The following RBM47 variants were observed in gnomAD, a reference collection of about 807,000 sequenced individuals.
The protein encoded by RBM47 is RNA binding motif protein 47.
RBM47 carries 21 observed loss-of-function variants against 47.1 expected under a neutral mutation model. The observed-to-expected ratio is 0.45, with a 90% CI of 0.32 to 0.64. The LOEUF (loss-of-function observed/expected upper bound fraction) is 0.64. RBM47 is among the 30% of genes least tolerant of loss of function. The pLI, the probability that RBM47 is intolerant of heterozygous loss-of-function variation, is 0.05. For missense variants in RBM47, 708 were observed against 870.9 expected, an observed-to-expected ratio of 0.81 and a Z score of 2.35; for synonymous variants, 375 against 361.7, an observed-to-expected ratio of 1.04 and a Z score of -0.42.
At chr4:40,613,388 T>C (rs1223651700) in intron 1 of RBM47, among the ~76,000 whole-genome samples, 2 of 152,142 alleles carry the variant, frequency 1.3e-5, no homozygotes, top group African/African-American at 4.8e-5. Flanking sequence ...GATATTCTAA[T>C]GACATTAGTA....
chr4:40,452,575 G>A (rs1715605160), intron 3 of RBM47, among the ~76,000 whole-genome samples: 1 of 152,168 alleles, frequency 6.6e-6, no homozygotes, highest in Admixed American at 6.5e-5. Context: ...GGAATTAAAA[G>A]CACGAGATAA....
In RBM47 at chr4:40,510,545, G is replaced by A. The variant is rs542477284; in HGVS notation, c.-155+33877C>T. On this transcript the variant is annotated intron_variant, in intron 2 of 6. Coordinates refer to ENST00000295971, the MANE Select transcript of RBM47 (RefSeq NM_001098634.2). ...AATGTGTATTTTCAGAGCAAAATTA[G>A]AGGACCTCCTTTAGGGGACCTGGGA... 3.9e-4 allele frequency among the ~76,000 whole-genome samples: 59 copies of A among 152,240 alleles called. 1 individual carries two copies. In the South Asian group the frequency reaches 0.012, roughly 32 times the overall value.
At chr4:40,489,942 C>T (rs926484483) in intron 2 of RBM47, among the ~76,000 whole-genome samples, 2 of 152,110 alleles carry the variant, frequency 1.3e-5, no homozygotes, top group African/African-American at 4.8e-5. Flanking sequence ...AGCAACATGA[C>T]CAAGTCTGAT....
intron 1 of RBM47, among the ~76,000 whole-genome samples, chr4:40,621,723 C>A (rs1013201663): frequency 6.6e-6 from 1 of 152,126 alleles, no homozygotes; most frequent in Non-Finnish European, 1.5e-5. Context: ...GTAGGGCATG[C>A]GATTCACAAA....
chr4:40,470,591 A>G (rs1451500711), intron 2 of RBM47, among the ~76,000 whole-genome samples: 1 of 152,142 alleles, frequency 6.6e-6, no homozygotes, highest in Non-Finnish European at 1.5e-5. Context: ...TGAAATTAAT[A>G]CATTTATTTT....
At chr4:40,512,272 A>G (rs887948001) in intron 2 of RBM47, among the ~76,000 whole-genome samples, 1 of 151,142 alleles carries the variant, frequency 6.6e-6, no homozygotes, top group Non-Finnish European at 1.5e-5. Flanking sequence ...AATACAAAAA[A>G]TTAGCCGGGC....
intron 1 of RBM47, among the ~76,000 whole-genome samples, chr4:40,612,743 T>A (rs1289975502): frequency 6.6e-6 from 1 of 152,206 alleles, no homozygotes; most frequent in African/African-American, 2.4e-5. Context: ...TGAAGGTATC[T>A]TATATTCAGC....
chr4:40,511,256 C>G (rs1724889178), intron 2 of RBM47, among the ~76,000 whole-genome samples: 1 of 152,206 alleles, frequency 6.6e-6, no homozygotes, highest in Admixed American at 6.5e-5. Flanking sequence ...CAGCTCTGTT[C>G]AGAAAAGACA....
At chr4:40,540,991 G>C (rs897999505) in intron 2 of RBM47, among the ~76,000 whole-genome samples, 1 of 151,766 alleles carries the variant, frequency 6.6e-6, no homozygotes, top group Non-Finnish European at 1.5e-5. Context: ...AAATGACCTG[G>C]ACTTTTTTTG....
Position 40,461,842 on chromosome 4 carries a change from G to A in RBM47, c.-32+4735C>T, listed in dbSNP as rs2154228414. On this transcript the variant is annotated intron_variant, in intron 3 of 6. Transcript: ENST00000295971. ...CCCAACTACTCGAGAGGCTGAGGTA[G>A]GAGAATCGCTTGAACCTGGGAGGCA... Among the ~76,000 whole-genome samples, 3 of 151,814 alleles carry A rather than the reference G, an allele frequency of 2.0e-5. 1 individual carries two copies. The highest frequency in any genetic ancestry group is 2.0e-4 in the Admixed American group (3 of 15,232).
intron 2 of RBM47, among the ~76,000 whole-genome samples, chr4:40,490,692 A>G (rs1363403954): frequency 6.6e-6 from 1 of 152,016 alleles, no homozygotes; most frequent in East Asian, 1.9e-4. Flanking sequence ...CGGAGGTTGC[A>G]GTGAGGAGAG....
In RBM47 at chr4:40,437,088, A is replaced by AT. The variant is rs1305076952; in HGVS notation, c.1124-442_1124-441insA. On this transcript the variant is annotated intron_variant, in intron 4 of 6. Coordinates refer to ENST00000295971, the MANE Select transcript of RBM47 (RefSeq NM_001098634.2). ...GACCCTGTCTCAAAAAAAAAAAAAAAAAATATATATATATATATATATAAA... is the reference window on the plus strand; with the variant it reads ...GACCCTGTCTCAAAAAAAAAAAAAAATAAATATATATATATATATATATAAA... 3.2e-3 allele frequency among the ~76,000 whole-genome samples: 175 copies of AT among 53,982 alleles called. 9 individuals carry two copies. Among genetic ancestry groups the AT allele is most frequent in the East Asian group, 0.016 (18 of 1,160 alleles). 35.4% of individuals were successfully genotyped at this position (53,982 alleles called of 152,430 possible).
intron 2 of RBM47, among the ~76,000 whole-genome samples, chr4:40,495,808 T>C (rs530978382): frequency 7.3e-6 from 1 of 136,680 alleles, no homozygotes; most frequent in African/African-American, 2.9e-5. Context: ...TATTTATAAC[T>C]TCTGAAAAGT....
At chr4:40,588,661 G>A (rs1390008534) in intron 1 of RBM47, among the ~76,000 whole-genome samples, 5 of 152,160 alleles carry the variant, frequency 3.3e-5, no homozygotes, top group African/African-American at 4.8e-5. Context: ...TCAGATGCCC[G>A]TTGGAGATAG....
At chr4:40,449,771 C>T (rs1337672823) in intron 3 of RBM47, among the ~76,000 whole-genome samples, 1 of 152,164 alleles carries the variant, frequency 6.6e-6, no homozygotes. Flanking sequence ...CTCCACCGCC[C>T]GGGTTCAAGT....
chr4:40,606,686 T>G (rs112895481), intron 1 of RBM47, among the ~76,000 whole-genome samples: 2 of 152,176 alleles, frequency 1.3e-5, no homozygotes, highest in African/African-American at 4.8e-5. Flanking sequence ...TCTTTGTGCC[T>G]CATTTGCCAT....
At chr4:40,626,048 T>G (rs1737706071) in intron 1 of RBM47, among the ~76,000 whole-genome samples, 1 of 152,202 alleles carries the variant, frequency 6.6e-6, no homozygotes. Context: ...CACAATCACT[T>G]TTACGTGATC....
chr4:40,495,847 CTCTT>C (rs1722494834), intron 2 of RBM47, among the ~76,000 whole-genome samples: 1 of 152,152 alleles, frequency 6.6e-6, no homozygotes, highest in Non-Finnish European at 1.5e-5. Context: ...CTCTCTCTCT[CTCTT>C]TCCTCTGTAG....
chr4:40,512,147 G>A (rs910508762), intron 2 of RBM47, among the ~76,000 whole-genome samples: 17 of 152,028 alleles, frequency 1.1e-4, no homozygotes, highest in Non-Finnish European at 8.8e-5. Flanking sequence ...ATTGCCAGGC[G>A]CGGTGGCTCA....
Sources: gnomAD v4.1 joint callset for allele counts (sites outside exome capture counted in the v4.1 genomes callset) on GRCh38, gnomAD v4.1.1 for gene constraint, MANE v1.5 for transcripts, NCBI Gene and HGNC (gene_info 2026-07-23, HGNC 2026-07-21) for gene names.